Variants in TTLL7 observed in about 807,000 individuals in gnomAD.
The protein encoded by TTLL7 is tubulin tyrosine ligase like 7.
In TTLL7, 53 loss-of-function variants were observed where a neutral mutation model predicts 120.2. The ratio of observed to expected loss-of-function variants is 0.44; its 90% CI spans 0.35 to 0.55. TTLL7 has a LOEUF of 0.55. Ranked by LOEUF, TTLL7 falls within the 20% of genes least tolerant of loss-of-function variation. TTLL7 has a pLI of 0.00. For missense variants in TTLL7, 803 were observed against 1,054.7 expected (o/e 0.76, Z 3.31); for synonymous variants, 353 against 351.7 (o/e 1.00, Z -0.04).
intron 6 of TTLL7, 96 bp downstream of exon 6, chr1:83,947,028 A>G (rs1220591736): frequency 3.2e-6 from 3 of 943,890 alleles, no homozygotes; most frequent in Non-Finnish European, 4.5e-6. Context: ...TTATTTTTTC[A>G]TATTGGTACT....
rs151160480 is a variant in TTLL7 at position 83,874,356 on chromosome 1, T to G, written c.2544-4274A>C. ...ATTCTATTATATGTGTATACCATAT[T>G]GTATCTCTTCAACTGTTGATGGGCA... is the stretch of plus-strand genomic sequence containing the variant. On this transcript the variant is annotated intron_variant, in intron 20 of 20. Coordinates refer to ENST00000260505, the MANE Select transcript of TTLL7 (RefSeq NM_024686.6). Among the ~76,000 whole-genome samples the G allele has an allele frequency of 5.3e-5, 8 of 152,212 alleles. No individual in the cohort carries two copies. In the East Asian group the frequency reaches 1.5e-3, roughly 29 times the overall value.
At chr1:83,981,054 C>T (rs1342941281) in intron 1 of TTLL7, 2 of 150,722 alleles carry the variant, frequency 1.3e-5, no homozygotes, top group East Asian at 3.9e-4. Flanking sequence ...AAAAATGCAG[C>T]TCTAAAAAAT....
At chr1:83,979,069 T>C (rs10493744) in intron 1 of TTLL7, 64,851 of 152,002 alleles carry the variant, frequency 0.43, 15,428 homozygotes, top group Non-Finnish European at 0.54. Flanking sequence ...AGCCCGCAAA[T>C]GTAATCACCC....
At chr1:83,928,746 T>C (rs970378459) in intron 10 of TTLL7, among the ~76,000 whole-genome samples, 1 of 152,088 alleles carries the variant, frequency 6.6e-6, no homozygotes, top group Admixed American at 6.6e-5. Flanking sequence ...TCTTATAAGA[T>C]GAGGAAGATA....
chr1:83,991,466 C>G (rs1192379732), intron 1 of TTLL7, among the ~76,000 whole-genome samples: 1 of 151,974 alleles, frequency 6.6e-6, no homozygotes, highest in Admixed American at 6.6e-5. Flanking sequence ...GGCAATATGG[C>G]AAAACCCTGT....
chr1:83,952,364 C>A lies in TTLL7; in HGVS notation c.-153G>T. 1.4e-6 allele frequency: 1 copy of A among 711,292 alleles called. No homozygotes were observed. The highest frequency in any genetic ancestry group is 2.2e-6 in the Non-Finnish European group (1 of 462,478). 44.1% of individuals were successfully genotyped at this position (711,292 alleles called of 1,614,324 possible). On this transcript the variant is annotated 5_prime_UTR_variant, in exon 2 of 21. Coordinates refer to ENST00000260505, the MANE Select transcript of TTLL7 (RefSeq NM_024686.6). ...GTGGAATCCTCAGATTTCAGGATAC[C>A]AAAGTTATGGGATAACAAGGTACCT... is the stretch of plus-strand genomic sequence containing the variant.
chr1:83,872,172 CTAA>C (rs1206548162), intron 20 of TTLL7, among the ~76,000 whole-genome samples: 2 of 152,036 alleles, frequency 1.3e-5, no homozygotes, highest in African/African-American at 2.4e-5. Context: ...CATGAATTAT[CTAA>C]TAATATCTTC....
intron 4 of TTLL7, chr1:83,948,978 A>T (rs975071232): frequency 2.1e-5 from 5 of 242,156 alleles, no homozygotes; most frequent in Non-Finnish European, 4.0e-5. Context: ...CAATATCCAA[A>T]TTACTTTTGT....
Position 83,949,956 on chromosome 1 carries a change from ATAAATCCCATT to A in TTLL7, c.177_187del (p.Glu59AspfsTer6), listed in dbSNP as rs1648888358. The A allele has an allele frequency of 6.2e-7, 1 of 1,613,264 alleles. No homozygotes were observed. Among genetic ancestry groups the A allele is most frequent in the Non-Finnish European group, 8.5e-7 (1 of 1,179,796 alleles). On this transcript the variant is annotated frameshift_variant, in exon 4 of 21. Transcript: ENST00000260505. LOFTEE classifies it high-confidence loss of function. ...TGTTTCATCCTCATCTGGAGTTTTC[ATAAATCCCATT>A]TCATCTATTACTAAACGAACTGCAA...
chr1:83,909,818 G>T (rs186452009), intron 15 of TTLL7, among the ~76,000 whole-genome samples: 2 of 151,914 alleles, frequency 1.3e-5, no homozygotes, highest in Non-Finnish European at 2.9e-5. Context: ...ATGCCATTAG[G>T]GAGGTACACA....
chr1:83,923,375 A>G (rs1421331450), intron 10 of TTLL7, among the ~76,000 whole-genome samples: 1 of 152,028 alleles, frequency 6.6e-6, no homozygotes, highest in Non-Finnish European at 1.5e-5. Context: ...GAAAAAAAAT[A>G]GAGGAAGCAA....
intron 20 of TTLL7, among the ~76,000 whole-genome samples, chr1:83,875,600 G>T (rs1653856284): frequency 1.3e-5 from 2 of 151,844 alleles, no homozygotes; most frequent in Admixed American, 1.3e-4. Flanking sequence ...ACTGTAAAAG[G>T]TACCAACTTT....
intron 20 of TTLL7, 125 bp from the exon 21 acceptor site, chr1:83,870,207 A>G (rs1469756167): frequency 1.2e-6 from 1 of 861,466 alleles, no homozygotes; most frequent in East Asian, 3.3e-5. Context: ...AATGCAATTC[A>G]TATAAAAAGA....
rs544489248 is a variant in TTLL7, at chr1:83,907,416, A to G, written c.1992+40T>C. On this transcript the variant is annotated intron_variant, in intron 16 of 20. Coordinates refer to ENST00000260505, the MANE Select transcript of TTLL7 (RefSeq NM_024686.6). ...TCTGATCCCCTTTGCCTGAGTACAG[A>G]GCTCCCTGTAATCTTGAAAGAGCAA... 17 of 1,573,474 alleles carry G rather than the reference A, an allele frequency of 1.1e-5. No individual in the cohort carries two copies. The South Asian group carries it at 1.6e-4, about 14-fold the overall frequency.
rs1571157325 is a variant in TTLL7, at chr1:83,911,430, A to AAC, written c.1588-68_1588-67insGT. 8 of 1,293,832 alleles carry AAC rather than the reference A, an allele frequency of 6.2e-6. No individual in the cohort carries two copies. In the East Asian group the frequency reaches 1.9e-4, roughly 31 times the overall value. 80.1% of individuals were successfully genotyped at this position (1,293,832 alleles called of 1,614,324 possible). On this transcript the variant is annotated intron_variant, in intron 14 of 20. Transcript: ENST00000260505. ...AAAAGGTTTATTGATATGATTAGTT[A>AAC]CTATTTTTAATTTCCCCCTATGCTT...
intron 10 of TTLL7, among the ~76,000 whole-genome samples, chr1:83,922,724 C>T (rs529656653): frequency 7.1e-6 from 1 of 140,014 alleles, no homozygotes; most frequent in South Asian, 2.1e-4. Flanking sequence ...TTTAACTTTA[C>T]ACAATGAAGG....
At chr1:83,895,191 T>C (rs902130600) in intron 18 of TTLL7, among the ~76,000 whole-genome samples, 4 of 152,234 alleles carry the variant, frequency 2.6e-5, no homozygotes, top group South Asian at 4.1e-4. Context: ...GAGACTGTTA[T>C]GCATATAAAG....
At chr1:83,993,857 G>T (rs1185646489) in intron 1 of TTLL7, among the ~76,000 whole-genome samples, 1 of 152,242 alleles carries the variant, frequency 6.6e-6, no homozygotes, top group Non-Finnish European at 1.5e-5. Context: ...ACAGAAGTGT[G>T]TTAACAGATA....
At chr1:83,963,952 T>G (rs1312100587) in intron 1 of TTLL7, among the ~76,000 whole-genome samples, 2 of 152,120 alleles carry the variant, frequency 1.3e-5, no homozygotes, top group African/African-American at 4.8e-5. Flanking sequence ...TGTACAGGCC[T>G]AGTTCATAAA....
Sources: gnomAD v4.1 joint callset for allele counts (sites outside exome capture counted in the v4.1 genomes callset) on GRCh38, gnomAD v4.1.1 for gene constraint, MANE v1.5 for transcripts, NCBI Gene and HGNC (gene_info 2026-07-23, HGNC 2026-07-21) for gene names.